The following TASOR variants were observed in gnomAD, a reference collection of about 807,000 sequenced individuals.
TASOR encodes transcription activation suppressor.
Under a neutral mutation model 178.6 loss-of-function variants are expected in TASOR, and 53 were observed. The ratio of observed to expected loss-of-function variants is 0.30; its 90% CI spans 0.24 to 0.37. TASOR has a LOEUF of 0.37. TASOR is among the 10% of genes least tolerant of loss of function. TASOR has a pLI of 1.00. For missense variants in TASOR, 1,815 were observed against 1,971.4 expected (o/e 0.92, Z 1.50); for synonymous variants, 713 against 696.2 (o/e 1.02, Z -0.38).
chr3:56,667,380 G>A (rs1407815441), intron 6 of TASOR, among the ~76,000 whole-genome samples: 1 of 152,036 alleles, frequency 6.6e-6, no homozygotes, highest in African/African-American at 2.4e-5. Flanking sequence ...TGCCGGGTGT[G>A]GTGGCTCACA....
chr3:56,677,683 T>G (rs2031430911), intron 1 of TASOR, among the ~76,000 whole-genome samples: 1 of 152,206 alleles, frequency 6.6e-6, no homozygotes, highest in African/African-American at 2.4e-5. Context: ...CTTTATAGAC[T>G]AGAAATCATA....
chr3:56,623,074 T>C lies in TASOR; in HGVS notation c.4976A>G (p.Lys1659Arg), dbSNP rs770677981. ...DKSPPPLSWG[K>R]SDSSRPYSQE... Reference sequence around the variant, plus strand: ...TGAATATGGCCTGGAAGAATCACTTTTCCCCCAACTTAAGGGAGGTGGAGA... The same window carrying C: ...TGAATATGGCCTGGAAGAATCACTTCTCCCCCAACTTAAGGGAGGTGGAGA... The change falls in exon 24 of 24, where the codon AAA (lysine) becomes AGA (arginine). Residue 1659 changes from lysine to arginine, a missense_variant. Lys to Arg is a conservative substitution (Grantham distance 26). This residue lies in a region of TASOR where 278 missense variants were observed against 257.1 expected (regional missense o/e 1.08). Coordinates refer to ENST00000683822, the MANE Select transcript of TASOR (RefSeq NM_001365635.2). 6 of 1,595,396 alleles carry C rather than the reference T, an allele frequency of 3.8e-6. No homozygotes were observed. The African/African-American group carries it at 6.7e-5, about 18-fold the overall frequency.
chr3:56,666,231 G>T, intron 7 of TASOR, 29 bp downstream of exon 7: 1 of 1,505,956 alleles, frequency 6.6e-7, no homozygotes, highest in East Asian at 2.5e-5. Flanking sequence ...TTATCACTGC[G>T]GATGATGTCT....
intron 1 of TASOR, 81 bp from the exon 2 acceptor site, chr3:56,673,806 G>A (rs898007387): frequency 1.6e-5 from 20 of 1,243,724 alleles, no homozygotes; most frequent in Non-Finnish European, 8.7e-6. Context: ...GTGGGTTAAT[G>A]TAACTTTAAA....
At position 56,621,016 on chromosome 3, in the gene TASOR, T is replaced by TCC. The variant is rs1553717682; in HGVS notation, c.*2020_*2021insGG. The TCC allele has an allele frequency of 6.6e-6, 1 of 152,036 alleles. No homozygotes were observed. Among genetic ancestry groups the TCC allele is most frequent in the African/African-American group, 2.4e-5 (1 of 41,342 alleles). 9.4% of individuals were successfully genotyped at this position (152,036 alleles called of 1,614,324 possible). On this transcript the variant is annotated 3_prime_UTR_variant, in exon 24 of 24. Coordinates refer to ENST00000683822, the MANE Select transcript of TASOR (RefSeq NM_001365635.2). ...AAATACAAAAAGTTAGTTAGTTAGT[T>TCC]AGCCAGGCGTGGTGGTGGGTGCCTG... is the stretch of plus-strand genomic sequence containing the variant.
At chr3:56,626,550 C>T (rs1263989009) in intron 21 of TASOR, among the ~76,000 whole-genome samples, 1 of 151,972 alleles carries the variant, frequency 6.6e-6, no homozygotes, top group South Asian at 2.1e-4. Flanking sequence ...CGAGACCAGC[C>T]GGGCCAACAC....
intron 11 of TASOR, among the ~76,000 whole-genome samples, chr3:56,651,801 G>C (rs1559836195): frequency 6.6e-6 from 1 of 151,546 alleles, no homozygotes; most frequent in Non-Finnish European, 1.5e-5. Flanking sequence ...GGAATTATCA[G>C]ATGCAAAAAG....
chr3:56,682,778 A>C lies in TASOR; in HGVS notation c.229T>G (p.Ser77Ala), dbSNP rs1192281357. The change falls in exon 1 of 24, where the codon TCC (serine) becomes GCC (alanine). Residue 77 changes from serine to alanine, a missense_variant. Ser to Ala is a moderately conservative substitution (Grantham distance 99, BLOSUM62 1). Transcript: ENST00000683822. ...AGGGCGGCCGCGCCCGCCTCAGAGG[A>C]GTCCTGAGGCTGCTCGTGGCTGAGG... ...QSLSHEQPQD[S>A]SEAGAAALPR... The C allele has an allele frequency of 1.3e-6, 2 of 1,549,412 alleles. No individual in the cohort carries two copies. Among genetic ancestry groups the C allele is most frequent in the Non-Finnish European group, 1.7e-6 (2 of 1,145,830 alleles).
In TASOR at chr3:56,629,969, A is replaced by ATTT. The variant is rs34509464; in HGVS notation, c.3748-1358_3748-1356dup. Among the ~76,000 whole-genome samples, 314 of 145,874 alleles carry ATTT rather than the reference A, an allele frequency of 2.2e-3. 12 individuals are homozygous for ATTT. In the South Asian group the frequency reaches 0.059, roughly 27 times the overall value. The stretch of plus-strand genomic sequence containing the variant: ...TTACCATCTGACATGCCTGCTGGTA[A>ATTT]TTTTTTTTTTTTTTGAGATGGAGTC... On this transcript the variant is annotated intron_variant, in intron 18 of 23. Transcript: ENST00000683822.
intron 5 of TASOR, among the ~76,000 whole-genome samples, chr3:56,669,141 C>T (rs926385272): frequency 6.6e-6 from 1 of 151,934 alleles, no homozygotes; most frequent in African/African-American, 2.4e-5. Flanking sequence ...ATATTACCAA[C>T]ATATTACTCT....
intron 2 of TASOR, 45 bp from the exon 3 acceptor site, chr3:56,671,737 G>C: frequency 7.2e-7 from 1 of 1,380,790 alleles, no homozygotes; most frequent in South Asian, 1.3e-5. Flanking sequence ...ATGTGATTAT[G>C]TTTTTCAAGC....
rs577002026 is a variant in TASOR, at chr3:56,621,682, G to A, written c.*1355C>T. On this transcript the variant is annotated 3_prime_UTR_variant, in exon 24 of 24. Coordinates refer to ENST00000683822, the MANE Select transcript of TASOR (RefSeq NM_001365635.2). ...TCCAAATTATAAAATGTGCTCACTG[G>A]CTCAACTGTATTTTTCAAATAGCCT... 4.6e-5 allele frequency: 52 copies of A among 1,123,690 alleles called. No homozygotes were observed. In the South Asian group the frequency reaches 6.8e-4, roughly 15 times the overall value. The allele number at this position is 1,123,690 out of a possible 1,614,324, so 69.6% of individuals were successfully genotyped here. A position where few individuals can be genotyped will look rare whatever the true frequency, so the allele number is the denominator to read the frequency against.
chr3:56,635,835 GT>G (rs534402844), intron 17 of TASOR, among the ~76,000 whole-genome samples: 135 of 152,084 alleles, frequency 8.9e-4, no homozygotes, highest in African/African-American at 3.1e-3. Flanking sequence ...CAACCAGTAA[GT>G]TTACTCCTCA....
chr3:56,630,424 G>C (rs1288297006), intron 18 of TASOR, among the ~76,000 whole-genome samples: 1 of 152,086 alleles, frequency 6.6e-6, no homozygotes. Flanking sequence ...TTTCAATCTG[G>C]TTTTCTATCA....
Position 56,653,389 on chromosome 3 carries a change from T to C in TASOR, c.1369-4332A>G, listed in dbSNP as rs1195409334. 3.5e-5 allele frequency among the ~76,000 whole-genome samples: 5 copies of C among 142,376 alleles called. No homozygotes were observed. The Admixed American group carries it at 3.5e-4, about 10-fold the overall frequency. 93.4% of individuals were successfully genotyped at this position (142,376 alleles called of 152,430 possible). On this transcript the variant is annotated intron_variant, in intron 11 of 23. Coordinates refer to ENST00000683822, the MANE Select transcript of TASOR (RefSeq NM_001365635.2). ...AATCCACAGATATGAAAGGAAAAGATATACCAAGCTGGATAAATAGAAATC... is the reference window on the plus strand; with the variant it reads ...AATCCACAGATATGAAAGGAAAAGACATACCAAGCTGGATAAATAGAAATC...
chr3:56,669,735 C>A lies in TASOR; in HGVS notation c.700G>T (p.Ala234Ser). 6.5e-7 allele frequency: 1 copy of A among 1,548,540 alleles called. No homozygotes were observed. The highest frequency in any genetic ancestry group is 8.7e-7 in the Non-Finnish European group (1 of 1,145,162). ...TTAAAAATAACAACATCACCCATTG[C>A]CCCCGTGTCCAAAGGATTCGCTTGT... ...LLQANPLDTG[A>S]MGDVVIFKIM... The change falls in exon 5 of 24, where the codon GCA becomes TCA. Residue 234 changes from alanine to serine, a missense_variant. Ala to Ser is a moderately conservative substitution (Grantham distance 99, BLOSUM62 1). Transcript: ENST00000683822.
intron 13 of TASOR, 63 bp downstream of exon 13, chr3:56,648,759 G>A: frequency 8.1e-7 from 1 of 1,238,280 alleles, no homozygotes; most frequent in South Asian, 1.4e-5. Context: ...GAGTTATCTG[G>A]AAAATTTCAA....
At chr3:56,623,626 A>T (rs2076736642) in intron 23 of TASOR, 60 bp from the exon 24 acceptor site, 3 of 1,540,116 alleles carry the variant, frequency 1.9e-6, no homozygotes, top group Admixed American at 4.4e-5. Flanking sequence ...TTAAGTTTTA[A>T]AATTATACAC....
At chr3:56,663,037 G>A (rs912519552) in intron 8 of TASOR, among the ~76,000 whole-genome samples, 16 of 151,998 alleles carry the variant, frequency 1.1e-4, no homozygotes, top group Non-Finnish European at 2.1e-4. Context: ...AAAATTAGCC[G>A]GGTGTGGTGG....
Sources: gnomAD v4.1 joint callset for allele counts (sites outside exome capture counted in the v4.1 genomes callset) on GRCh38, gnomAD v4.1.1 for gene constraint, gnomAD v4.1.1 regional missense constraint, MANE v1.5 for transcripts, NCBI Gene and HGNC (gene_info 2026-07-23, HGNC 2026-07-21) for gene names.